The following MYH14 variants were observed in gnomAD, a reference collection of about 807,000 sequenced individuals.
MYH14 encodes myosin-14.
In MYH14, 123 loss-of-function variants were observed where a neutral mutation model predicts 255.5. That is an observed-to-expected ratio of 0.48 (90% CI 0.42 to 0.56). MYH14 has a LOEUF of 0.56. Among genes scored for constraint, MYH14 ranks in the 20% least tolerant of loss-of-function variants. The pLI is 0.00. For synonymous variants in MYH14, 1,095 were observed against 1,161.2 expected (o/e 0.94, Z 1.16); for missense variants, 2,423 against 2,802.3 (o/e 0.86, Z 3.06).
rs763267201 is a variant in MYH14 at position 50,276,868 on chromosome 19, G to A, written c.3792G>A (p.Gly1264=). 3 of 1,611,796 alleles carry A rather than the reference G, an allele frequency of 1.9e-6. No homozygotes were observed. Among genetic ancestry groups the A allele is most frequent in the Admixed American group, 1.7e-5 (1 of 59,974 alleles). The change falls in exon 29 of 43, where the codon GGG becomes GGA. Residue 1264 remains glycine (G), a synonymous_variant. Coordinates refer to ENST00000642316, the MANE Select transcript of MYH14 (RefSeq NM_001145809.2). The surrounding 1 kb of genome is among the most constrained non-coding windows in gnomAD (Gnocchi z 4.3). ...ELRQRHGQAL[G]ELAEQLEQAR... ...GGCAGCGCCACGGCCAGGCCCTGGG[G>A]GAGCTGGCGGAGCAGCTGGAGCAGG...
Position 50,257,483 on chromosome 19 carries a change from G to T in MYH14, c.2229G>T (p.Lys743Asn), listed in dbSNP as rs1275017833. ...FVRCIVPNHE[K>N]RAGKLEPRLV... ...GCTGCATTGTCCCCAACCACGAGAA[G>T]AGGGTGAGTGACTCAGCCTGGGGAG... The change falls in exon 18 of 43, where the codon AAG (lysine) becomes AAT (asparagine). Residue 743 changes from lysine (K) to asparagine (N), a missense_variant. This residue lies in a region of MYH14 where 672 missense variants were observed against 881.8 expected (regional missense o/e 0.76). Transcript: ENST00000642316. The T allele has an allele frequency of 6.3e-7, 1 of 1,598,840 alleles. No individual in the cohort carries two copies. Among genetic ancestry groups the T allele is most frequent in the Non-Finnish European group, 8.5e-7 (1 of 1,172,306 alleles).
At chr19:50,214,965 G>T (rs2032394663) in intron 2 of MYH14, among the ~76,000 whole-genome samples, 1 of 152,076 alleles carries the variant, frequency 6.6e-6, no homozygotes, top group African/African-American at 2.4e-5. Flanking sequence ...GTCGCCCTCG[G>T]TTTCCCAAGG....
intron 40 of MYH14, among the ~76,000 whole-genome samples, chr19:50,306,629 C>G (rs140021332): frequency 3.0e-3 from 449 of 152,182 alleles, no homozygotes; most frequent in African/African-American, 9.9e-3. Context: ...TATACAGGGT[C>G]AGATGGTTGA....
At chr19:50,213,561 T>G (rs62112638) in intron 2 of MYH14, among the ~76,000 whole-genome samples, 3,625 of 152,222 alleles carry the variant, frequency 0.024, 49 homozygotes, top group Middle Eastern at 0.1. Flanking sequence ...AGAGAGAAGA[T>G]TCTAGAATTC....
intron 21 of MYH14, 101 bp downstream of exon 21, chr19:50,261,736 A>T: frequency 8.7e-7 from 1 of 1,147,738 alleles, no homozygotes; most frequent in Non-Finnish European, 1.2e-6. Context: ...GGATGGGTGC[A>T]GGGCTGAGGA....
chr19:50,293,137 C>A lies in MYH14; in HGVS notation c.5257-96C>A. ...ACCCAGGGACAGCATGAGAAAAAAG[C>A]CAAGAGCCTTGAGGTGTGAGGGACA... On this transcript the variant is annotated intron_variant, in intron 37 of 42. Coordinates refer to ENST00000642316, the MANE Select transcript of MYH14 (RefSeq NM_001145809.2). The surrounding 1 kb of genome is among the most constrained non-coding windows in gnomAD (Gnocchi z 4.1). 1 of 869,426 alleles carries A rather than the reference C, an allele frequency of 1.2e-6. No homozygotes were observed. The highest frequency in any genetic ancestry group is 1.9e-6 in the Non-Finnish European group (1 of 526,432). 53.9% of individuals were successfully genotyped at this position (869,426 alleles called of 1,614,324 possible). A position where few individuals can be genotyped will look rare whatever the true frequency, so the allele number is the denominator to read the frequency against.
chr19:50,271,109 C>T (rs918527047), intron 24 of MYH14, among the ~76,000 whole-genome samples: 4 of 152,088 alleles, frequency 2.6e-5, no homozygotes, highest in Non-Finnish European at 5.9e-5. Context: ...CTCTGTTACC[C>T]AGACTTCAGT....
chr19:50,209,889 G>A (rs1002490728), intron 1 of MYH14, among the ~76,000 whole-genome samples: 2 of 151,630 alleles, frequency 1.3e-5, no homozygotes, highest in African/African-American at 4.8e-5. Context: ...CCTGAGGTCA[G>A]GAGTTCGAGA....
chr19:50,282,657 C>T (rs557097870), intron 33 of MYH14, among the ~76,000 whole-genome samples: 1 of 152,076 alleles, frequency 6.6e-6, no homozygotes, highest in East Asian at 1.9e-4. Flanking sequence ...GAGCCAAGAT[C>T]GTGCCACTGC....
chr19:50,204,900 C>T (rs1299605282), intron 1 of MYH14, among the ~76,000 whole-genome samples: 1 of 144,838 alleles, frequency 6.9e-6, no homozygotes, highest in Non-Finnish European at 1.5e-5. Context: ...GTCTCTCCCT[C>T]TTTTTTTTTT....
At chr19:50,229,095 G>A (rs536605554) in intron 8 of MYH14, among the ~76,000 whole-genome samples, 21 of 152,238 alleles carry the variant, frequency 1.4e-4, no homozygotes, top group African/African-American at 4.8e-4. Flanking sequence ...GGAGGAAACC[G>A]AAGCTCAGGG....
At chr19:50,260,221 G>GT (rs2034771789) in intron 19 of MYH14, among the ~76,000 whole-genome samples, 1 of 152,166 alleles carries the variant, frequency 6.6e-6, no homozygotes, top group Non-Finnish European at 1.5e-5. Context: ...CAGGTCAGGA[G>GT]TTCAAGACAG....
At chr19:50,298,386 ACAAACAC>A (rs1469330834) in intron 39 of MYH14, among the ~76,000 whole-genome samples, 6 of 97,692 alleles carry the variant, frequency 6.1e-5, no homozygotes, top group African/African-American at 1.9e-4. Flanking sequence ...CAACACACAC[ACAAACAC>A]ACACACATAC....
rs192064325 is a variant in MYH14 at position 50,243,372 on chromosome 19, G to A, written c.1115-870G>A. On this transcript the variant is annotated intron_variant, in intron 10 of 42. Transcript: ENST00000642316. ...AATCGCTTGAAGTTGGGAGGTGGAGGTTGCAGTGAGCCGATATGGCACCAC... is the reference window on the plus strand; with the variant it reads ...AATCGCTTGAAGTTGGGAGGTGGAGATTGCAGTGAGCCGATATGGCACCAC... Among the ~76,000 whole-genome samples, 359 of 152,040 alleles carry A rather than the reference G, an allele frequency of 2.4e-3. 1 individual carries two copies. The highest frequency in any genetic ancestry group is 8.1e-3 in the African/African-American group (336 of 41,476).
At chr19:50,288,283 A>G (rs116010956) in intron 34 of MYH14, among the ~76,000 whole-genome samples, 5,062 of 152,252 alleles carry the variant, frequency 0.033, 258 homozygotes, top group African/African-American at 0.097. Context: ...TAGGAGTCCA[A>G]TGGGTGAGGG....
Position 50,208,423 on chromosome 19 carries a change from AAAACAAACAAACAAAC to A in MYH14, c.-3-1920_-3-1905del, listed in dbSNP as rs139261539. Among the ~76,000 whole-genome samples the A allele has an allele frequency of 7.8e-3, 1,170 of 150,334 alleles. 20 individuals are homozygous for A. The highest frequency in any genetic ancestry group is 0.027 in the African/African-American group (1,089 of 40,932). On this transcript the variant is annotated intron_variant, in intron 1 of 42. Coordinates refer to ENST00000642316, the MANE Select transcript of MYH14 (RefSeq NM_001145809.2). ...GAGCAAGACTCTGTCTCAAAAAACA[AAAACAAACAAACAAAC>A]AAACAAACAAACAAACAAAAAAACC...
chr19:50,224,121 T>C (rs2032982625), intron 5 of MYH14, 33 bp from the exon 6 acceptor site: 2 of 1,560,400 alleles, frequency 1.3e-6, no homozygotes, highest in Non-Finnish European at 1.7e-6. Flanking sequence ...TGCTGTGTCC[T>C]GGTCCGTGTC....
intron 23 of MYH14, among the ~76,000 whole-genome samples, chr19:50,267,599 C>T (rs1475884491): frequency 2.8e-5 from 4 of 143,314 alleles, no homozygotes; most frequent in South Asian, 2.2e-4. Context: ...CCAGCCTGGT[C>T]GGCAGAGTGA....
At position 50,286,482 on chromosome 19, in the gene MYH14, C is replaced by T. The variant is rs1468423828; in HGVS notation, c.4540C>T (p.Leu1514Phe). 2.5e-6 allele frequency: 4 copies of T among 1,611,294 alleles called. No individual in the cohort carries two copies. The highest frequency in any genetic ancestry group is 3.4e-6 in the Non-Finnish European group (4 of 1,178,236). ...LEKKQRKFDQ[L>F]LAEEKAAVLR... ...TACCCCATCTCCCTCAAACTGGAAGCTTCTGGCAGAGGAGAAGGCAGCTGT... is the reference window on the plus strand; with the variant it reads ...TACCCCATCTCCCTCAAACTGGAAGTTTCTGGCAGAGGAGAAGGCAGCTGT... The change falls in exon 34 of 43, where the codon CTT becomes TTT. Residue 1514 changes from leucine to phenylalanine, a missense_variant and splice_region_variant. Coordinates refer to ENST00000642316, the MANE Select transcript of MYH14 (RefSeq NM_001145809.2).
Sources: allele counts gnomAD v4.1 joint callset (sites outside exome capture counted in the v4.1 genomes callset), GRCh38; gene constraint gnomAD v4.1.1; regional missense constraint gnomAD v4.1.1; non-coding constraint Gnocchi (gnomAD v3.1); transcripts MANE v1.5; gene names NCBI Gene and HGNC (gene_info 2026-07-23, HGNC 2026-07-21).